Variants in SLC39A9 observed in about 807,000 individuals in gnomAD.
The protein encoded by SLC39A9 is zinc transporter ZIP9.
Under a neutral mutation model 28.4 loss-of-function variants are expected in SLC39A9, and 14 were observed. The ratio of observed to expected loss-of-function variants is 0.49; its 90% CI spans 0.33 to 0.77. The LOEUF (loss-of-function observed/expected upper bound fraction) is 0.77. Ranked by LOEUF, SLC39A9 falls within the 30% of genes least tolerant of loss-of-function variation. SLC39A9 has a pLI of 0.02. For synonymous variants in SLC39A9, 119 were observed against 149.6 expected, an observed-to-expected ratio of 0.80 and a Z score of 1.49; for missense variants, 283 against 381.1, an observed-to-expected ratio of 0.74 and a Z score of 2.14.
intron 1 of SLC39A9, among the ~76,000 whole-genome samples, chr14:69,402,914 T>C (rs560605689): frequency 4.6e-5 from 7 of 152,106 alleles, no homozygotes; most frequent in African/African-American, 1.7e-4. Flanking sequence ...AAACCCCATC[T>C]CTACTAAAAA....
chr14:69,461,424 TAGCAAAGA>T lies in SLC39A9; in HGVS notation c.*2832_*2839del. On this transcript the variant is annotated 3_prime_UTR_variant, in exon 7 of 7. Coordinates refer to ENST00000336643, the MANE Select transcript of SLC39A9 (RefSeq NM_018375.5). The stretch of plus-strand genomic sequence containing the variant: ...TGCACACTATTGCCAAATTTTTTTT[TAGCAAAGA>T]TTCTGCACTGGAACGTAGACAGTTG... 7.9e-7 allele frequency: 1 copy of T among 1,269,820 alleles called. No individual in the cohort carries two copies. Among genetic ancestry groups the T allele is most frequent in the Non-Finnish European group, 1.0e-6 (1 of 1,000,152 alleles). 78.7% of individuals were successfully genotyped at this position (1,269,820 alleles called of 1,614,324 possible). A position where few individuals can be genotyped will look rare whatever the true frequency, so the allele number is the denominator to read the frequency against.
At chr14:69,422,150 G>A (rs902989678) in intron 1 of SLC39A9, among the ~76,000 whole-genome samples, 1 of 152,174 alleles carries the variant, frequency 6.6e-6, no homozygotes, top group African/African-American at 2.4e-5. Flanking sequence ...TGGACCGCTT[G>A]TTTGCTAACT....
At chr14:69,431,453 TGA>T (rs1191057905) in intron 2 of SLC39A9, among the ~76,000 whole-genome samples, 1 of 151,906 alleles carries the variant, frequency 6.6e-6, no homozygotes, top group Non-Finnish European at 1.5e-5. Flanking sequence ...CTATCCATTA[TGA>T]GATTGATTAG....
intron 3 of SLC39A9, among the ~76,000 whole-genome samples, chr14:69,448,848 G>A (rs1885465751): frequency 6.6e-6 from 1 of 152,180 alleles, no homozygotes; most frequent in South Asian, 2.1e-4. Context: ...GGGATAAAGG[G>A]TTATTGATGT....
intron 6 of SLC39A9, among the ~76,000 whole-genome samples, chr14:69,456,453 C>T (rs1447689292): frequency 1.3e-5 from 2 of 152,144 alleles, no homozygotes; most frequent in Non-Finnish European, 2.9e-5. Flanking sequence ...GGAACTTAGC[C>T]ATTCTTGGTC....
chr14:69,426,874 A>AGTGTATATACTATGTATATATGTGTTT (rs1884221569), intron 2 of SLC39A9, among the ~76,000 whole-genome samples: 1 of 152,162 alleles, frequency 6.6e-6, no homozygotes, highest in African/African-American at 2.4e-5. Context: ...GTAAGTGTAT[A>AGTGTATATACTATGTATATATGTGTTT]GTGTATATAC....
intron 1 of SLC39A9, among the ~76,000 whole-genome samples, chr14:69,408,636 T>G (rs190998795): frequency 3.9e-5 from 6 of 152,290 alleles, no homozygotes; most frequent in African/African-American, 9.6e-5. Flanking sequence ...TCTCCTGAAT[T>G]TTATCCTTTG....
At chr14:69,437,830 C>T (rs1357544376) in intron 2 of SLC39A9, among the ~76,000 whole-genome samples, 1 of 151,826 alleles carries the variant, frequency 6.6e-6, no homozygotes, top group East Asian at 1.9e-4. Context: ...TCGTGATCCA[C>T]CTGCCTCAAC....
rs369425841 is a variant in SLC39A9, at chr14:69,422,772, C to T, written c.97-1322C>T. Among the ~76,000 whole-genome samples, 107 of 152,232 alleles carry T rather than the reference C, an allele frequency of 7.0e-4. 2 individuals carry two copies. In the South Asian group the frequency reaches 0.016, roughly 23 times the overall value. ...GCTAATTTTTGTATTTTTGTAGAGA[C>T]GGGGTTTCACCATGTTGGCCGGGCT... On this transcript the variant is annotated intron_variant, in intron 1 of 6. Transcript: ENST00000336643.
intron 3 of SLC39A9, among the ~76,000 whole-genome samples, chr14:69,446,043 G>GTTGTTA (rs1166393744): frequency 6.9e-6 from 1 of 145,188 alleles, no homozygotes; most frequent in Non-Finnish European, 1.5e-5. Context: ...TGTTGTTGTT[G>GTTGTTA]TTGTTTGTAA....
In SLC39A9 at chr14:69,454,864, G is replaced by GT; in HGVS notation, c.527dup (p.Leu176PhefsTer11). 2.5e-6 allele frequency: 4 copies of GT among 1,614,020 alleles called. No individual in the cohort carries two copies. Among genetic ancestry groups the GT allele is most frequent in the Non-Finnish European group, 3.4e-6 (4 of 1,179,974 alleles). ...CATCTACTTCACAGACCAGTGTCCA[G>GT]TTAATTGTGTTTGTGGCAATCATGC... On this transcript the variant is annotated frameshift_variant, in exon 5 of 7. Transcript: ENST00000336643. LOFTEE classifies it high-confidence loss of function.
chr14:69,429,226 C>T (rs1884356376), intron 2 of SLC39A9: 1 of 152,226 alleles, frequency 6.6e-6, no homozygotes, highest in Non-Finnish European at 1.5e-5. Flanking sequence ...AAGTGTCTCA[C>T]ACTTGATAGA....
chr14:69,444,052 G>A (rs552704024), intron 3 of SLC39A9, among the ~76,000 whole-genome samples: 96 of 151,622 alleles, frequency 6.3e-4, no homozygotes, highest in African/African-American at 2.0e-3. Flanking sequence ...CAAGCATGAT[G>A]AGGCATGCCT....
intron 1 of SLC39A9, among the ~76,000 whole-genome samples, chr14:69,407,041 A>G (rs1255223446): frequency 6.6e-6 from 1 of 151,380 alleles, no homozygotes; most frequent in Non-Finnish European, 1.5e-5. Flanking sequence ...TAGTAGAGAC[A>G]AGGTTTCACC....
intron 1 of SLC39A9, among the ~76,000 whole-genome samples, chr14:69,410,926 TA>T (rs1883227555): frequency 6.6e-6 from 1 of 152,092 alleles, no homozygotes; most frequent in South Asian, 2.1e-4. Flanking sequence ...CAAAAGCTTT[TA>T]AAGACTGGAT....
chr14:69,450,483 G>A (rs1178917398), intron 3 of SLC39A9, among the ~76,000 whole-genome samples: 1 of 151,854 alleles, frequency 6.6e-6, no homozygotes, highest in African/African-American at 2.4e-5. Context: ...GATATATATG[G>A]TGATTGTCAG....
rs906770747 is a variant in SLC39A9, at chr14:69,439,178, A to G, written c.206-2891A>G. ...AAAAAGAAACTATGAAAACAATTTC[A>G]TTCATAATAGCATCAGAGGGGGAGG... On this transcript the variant is annotated intron_variant, in intron 2 of 6. Transcript: ENST00000336643. 6.6e-5 allele frequency among the ~76,000 whole-genome samples: 10 copies of G among 152,336 alleles called. No individual in the cohort carries two copies. In the East Asian group the frequency reaches 1.9e-3, roughly 29 times the overall value.
At chr14:69,456,690 A>T (rs1361838206) in intron 6 of SLC39A9, among the ~76,000 whole-genome samples, 2 of 152,192 alleles carry the variant, frequency 1.3e-5, no homozygotes, top group Non-Finnish European at 2.9e-5. Context: ...ACTGGAGGAA[A>T]ATCTTAGAAG....
intron 3 of SLC39A9, among the ~76,000 whole-genome samples, chr14:69,442,685 A>G (rs1485259646): frequency 6.6e-6 from 1 of 152,250 alleles, no homozygotes; most frequent in Non-Finnish European, 1.5e-5. Context: ...TTTGTGATAT[A>G]GTAATGTATG....
Sources: allele counts gnomAD v4.1 joint callset (sites outside exome capture counted in the v4.1 genomes callset), GRCh38; gene constraint gnomAD v4.1.1; transcripts MANE v1.5; gene names NCBI Gene and HGNC (gene_info 2026-07-23, HGNC 2026-07-21).